Variants in MTFMT observed in about 807,000 individuals in gnomAD.
MTFMT encodes the protein methionyl-tRNA formyltransferase, mitochondrial.
In MTFMT, 47 loss-of-function variants were observed where a neutral mutation model predicts 51.8. The ratio of observed to expected loss-of-function variants is 0.91; its 90% CI spans 0.72 to 1.16. MTFMT has a LOEUF of 1.16. Ranked by LOEUF, MTFMT falls within the 50% of genes most tolerant of loss-of-function variation. MTFMT has a pLI of 0.00. For missense variants in MTFMT, 512 were observed against 482.3 expected (o/e 1.06, Z -0.58); for synonymous variants, 196 against 176.7 (o/e 1.11, Z -0.87).
chr15:65,016,529 T>C lies in MTFMT; in HGVS notation c.722-2A>G, dbSNP rs1321967748. 1 of 1,606,248 alleles carries C rather than the reference T, an allele frequency of 6.2e-7. No homozygotes were observed. Among genetic ancestry groups the C allele is most frequent in the Middle Eastern group, 1.6e-4 (1 of 6,070 alleles). ...TGGTACCAGCAGAAATCTTAGGGGC[T>C]ACAAGATAAAACCAAGAGCAAAAAT... On this transcript the variant is annotated splice_acceptor_variant, in intron 5 of 8. Coordinates refer to ENST00000220058, the MANE Select transcript of MTFMT (RefSeq NM_139242.4). LOFTEE classifies it high-confidence loss of function.
chr15:65,027,202 CTTTTTT>C (rs544080836), intron 1 of MTFMT, among the ~76,000 whole-genome samples, 162 bp from the exon 2 acceptor site: 1 of 144,030 alleles, frequency 6.9e-6, no homozygotes, highest in African/African-American at 2.5e-5. Context: ...TTTTCTTTTT[CTTTTTT>C]TTTTTTTGAG....
chr15:65,002,894 C>CGGAGGT lies in MTFMT; in HGVS notation c.*162_*167dup. ...AGGAGAATTGCTTGAACCTGGGAGG[C>CGGAGGT]GGAGGTTGCAGTGAGCTGAGATAGT... On this transcript the variant is annotated 3_prime_UTR_variant, in exon 9 of 9. Transcript: ENST00000220058. 2.7e-6 allele frequency: 1 copy of CGGAGGT among 364,858 alleles called. No individual in the cohort carries two copies. Among genetic ancestry groups the CGGAGGT allele is most frequent in the East Asian group, 4.5e-5 (1 of 22,014 alleles). 22.6% of individuals were successfully genotyped at this position (364,858 alleles called of 1,614,324 possible).
intron 6 of MTFMT, among the ~76,000 whole-genome samples, chr15:65,014,572 C>T (rs377676242): frequency 6.1e-5 from 9 of 146,506 alleles, no homozygotes; most frequent in Non-Finnish European, 1.1e-4. Flanking sequence ...GTGATCCGCC[C>T]GCCTCGGCCT....
intron 3 of MTFMT, among the ~76,000 whole-genome samples, chr15:65,023,154 ACTC>A (rs1320871439): frequency 7.9e-5 from 12 of 152,030 alleles, no homozygotes; most frequent in Admixed American, 5.9e-4. Flanking sequence ...GACTGAATAA[ACTC>A]CTCAAGTAAT....
intron 5 of MTFMT, among the ~76,000 whole-genome samples, chr15:65,018,765 T>A (rs2086345842): frequency 6.6e-6 from 1 of 152,076 alleles, no homozygotes; most frequent in African/African-American, 2.4e-5. Context: ...TGGGCAAATA[T>A]AAAGAATTAT....
At chr15:65,004,964 A>G (rs1374359263) in intron 7 of MTFMT, 28 bp from the exon 8 acceptor site, 1 of 1,542,848 alleles carries the variant, frequency 6.5e-7, no homozygotes, top group Non-Finnish European at 8.9e-7. Context: ...GAAAAGATAT[A>G]CAAGAGAAAA....
chr15:65,009,779 G>A (rs1296275960), intron 6 of MTFMT, among the ~76,000 whole-genome samples: 1 of 151,844 alleles, frequency 6.6e-6, no homozygotes, highest in Non-Finnish European at 1.5e-5. Flanking sequence ...TCAGCCTCCC[G>A]AGTAGCTGGG....
At chr15:65,016,247 AT>A (rs1337137185) in intron 6 of MTFMT, 188 bp downstream of exon 6, 17 of 453,912 alleles carry the variant, frequency 3.7e-5, no homozygotes, top group Non-Finnish European at 6.7e-5. Context: ...TAAGGTCTCT[AT>A]AAACACTTTA....
chr15:65,015,099 A>G (rs2086307506), intron 6 of MTFMT, among the ~76,000 whole-genome samples: 1 of 152,166 alleles, frequency 6.6e-6, no homozygotes, highest in African/African-American at 2.4e-5. Flanking sequence ...ATTCTGTGCC[A>G]GATACTGTAC....
chr15:65,005,291 A>C (rs72744627), intron 7 of MTFMT, among the ~76,000 whole-genome samples: 2,529 of 152,266 alleles, frequency 0.017, 29 homozygotes, highest in Admixed American at 0.024. Flanking sequence ...ATCCCTGCCC[A>C]AACAAATCCT....
chr15:65,029,560 C>G lies in MTFMT; in HGVS notation c.54G>C (p.Arg18Ser), dbSNP rs925108863. 6.6e-7 allele frequency: 1 copy of G among 1,503,772 alleles called. No individual in the cohort carries two copies. 93.2% of individuals were successfully genotyped at this position (1,503,772 alleles called of 1,614,324 possible). A position where few individuals can be genotyped will look rare whatever the true frequency, so the allele number is the denominator to read the frequency against. Residue 18 changes from arginine (R) to serine (S), a missense_variant, in exon 1 of 9, where the codon AGG (arginine) becomes AGC (serine). Coordinates refer to ENST00000220058, the MANE Select transcript of MTFMT (RefSeq NM_139242.4). ...CWGPPLAHGA[R>S]RGRPSPQWRA... ...GCCACTGGGGACTCGGCCTCCCACG[C>G]CTGGCGCCATGAGCCAGCGGAGGAC...
rs548638660 is a variant in MTFMT, at chr15:65,005,016, A to C, written c.893-80T>G. ...TCATAGTACTTCTTAAAAATCAAAA[A>C]ACATCTTGGGAGGCAGTACTGATAC... On this transcript the variant is annotated intron_variant, in intron 7 of 8. Transcript: ENST00000220058. 4.8e-5 allele frequency: 49 copies of C among 1,014,750 alleles called. 2 individuals are homozygous for C. In the South Asian group the frequency reaches 5.5e-4, roughly 11 times the overall value. 62.9% of individuals were successfully genotyped at this position (1,014,750 alleles called of 1,614,324 possible). A position where few individuals can be genotyped will look rare whatever the true frequency, so the allele number is the denominator to read the frequency against.
At chr15:65,022,791 C>T (rs1191775492) in intron 3 of MTFMT, among the ~76,000 whole-genome samples, 1 of 151,376 alleles carries the variant, frequency 6.6e-6, no homozygotes. Flanking sequence ...ACTGCCGCCT[C>T]AACCTCCTAG....
intron 3 of MTFMT, among the ~76,000 whole-genome samples, chr15:65,022,056 A>G (rs940201602): frequency 6.6e-6 from 1 of 152,260 alleles, no homozygotes; most frequent in African/African-American, 2.4e-5. Flanking sequence ...TATGAAAAGC[A>G]TAAGGCAAAG....
chr15:65,008,625 T>C (rs1330696514), intron 6 of MTFMT, among the ~76,000 whole-genome samples: 1 of 152,228 alleles, frequency 6.6e-6, no homozygotes, highest in Non-Finnish European at 1.5e-5. Flanking sequence ...AAAGAGGGTA[T>C]TTAACTTTCA....
At chr15:65,003,845 CAAAAAAAAAAA>C (rs768884218) in intron 8 of MTFMT, among the ~76,000 whole-genome samples, 4 of 40,632 alleles carry the variant, frequency 9.8e-5, no homozygotes, top group East Asian at 6.4e-4. Context: ...AACTCCATCT[CAAAAAAAAAAA>C]AAAAAAAAAA....
Position 65,026,910 on chromosome 15 carries a change from C to A in MTFMT, c.340G>T (p.Gly114Ter), listed in dbSNP as rs1161893024. Residue 114 changes from glycine to a stop codon, truncating the protein, a stop_gained, in exon 2 of 9, where the codon GGA (glycine) becomes TGA (stop). Transcript: ENST00000220058. LOFTEE classifies it high-confidence loss of function. ...QLPVYEWPDV[G>*]SGEYDVGVVA... The stretch of plus-strand genomic sequence containing the variant: ...ACTCCAACATCATATTCTCCAGATC[C>A]CACATCCGGCCACTCATATACGGGA... 6.2e-7 allele frequency: 1 copy of A among 1,613,974 alleles called. No homozygotes were observed. Among genetic ancestry groups the A allele is most frequent in the Non-Finnish European group, 8.5e-7 (1 of 1,179,898 alleles).
intron 5 of MTFMT, among the ~76,000 whole-genome samples, chr15:65,018,814 T>C (rs2086346314): frequency 6.6e-6 from 1 of 152,134 alleles, no homozygotes. Context: ...ACGCGTCAAA[T>C]GATACTAAAA....
At chr15:65,021,435 C>CAA in intron 4 of MTFMT, 79 bp downstream of exon 4, 14 of 1,077,552 alleles carry the variant, frequency 1.3e-5, no homozygotes, top group Non-Finnish European at 2.0e-5. Flanking sequence ...TTAGAAGTCA[C>CAA]AAAATTGTTC....
Sources: gnomAD v4.1 joint callset for allele counts (sites outside exome capture counted in the v4.1 genomes callset) on GRCh38, gnomAD v4.1.1 for gene constraint, MANE v1.5 for transcripts, NCBI Gene and HGNC (gene_info 2026-07-23, HGNC 2026-07-21) for gene names.